ERICH1: variants seen among roughly 807,000 people sequenced by gnomAD.
ERICH1 encodes glutamate-rich protein 1.
A neutral mutation model predicts 39.6 loss-of-function variants in ERICH1; 56 were observed. The observed-to-expected ratio is 1.41, with a 90% CI of 1.14 to 1.77. The LOEUF is 1.77. Among genes scored for constraint, ERICH1 ranks in the 40% most tolerant of loss-of-function variants. ERICH1 has a pLI of 0.00. For synonymous variants in ERICH1, 313 were observed against 223.6 expected, an observed-to-expected ratio of 1.40 and a Z score of -3.57; for missense variants, 826 against 575.4, an observed-to-expected ratio of 1.44 and a Z score of -4.45.
intron 3 of ERICH1, among the ~76,000 whole-genome samples, chr8:684,378 A>G (rs923945840): frequency 1.3e-5 from 2 of 152,240 alleles, no homozygotes; most frequent in Non-Finnish European, 2.9e-5. Flanking sequence ...AAAAATTTAA[A>G]TAGTAAATTT....
intron 3 of ERICH1, among the ~76,000 whole-genome samples, chr8:628,573 T>G (rs2117081388): frequency 6.6e-6 from 1 of 152,340 alleles, no homozygotes; most frequent in Non-Finnish European, 1.5e-5. Flanking sequence ...GAGGACTCCC[T>G]GGTGCCTTCT....
intron 2 of ERICH1, among the ~76,000 whole-genome samples, chr8:705,898 C>T (rs1179001313): frequency 1.3e-5 from 2 of 152,190 alleles, no homozygotes; most frequent in Non-Finnish European, 1.5e-5. Context: ...GATGGTAACA[C>T]TGCACTTTCA....
downstream of ERICH1, among the ~76,000 whole-genome samples, chr8:663,522 G>GGGACAGGCGGGACAGGCGGGACAGGCA (rs1801742621): frequency 6.7e-6 from 1 of 149,918 alleles, no homozygotes; most frequent in Non-Finnish European, 1.5e-5. Flanking sequence ...GCTCACAGGC[G>GGGACAGGCGGGACAGGCGGGACAGGCA]GGACAGGCGG....
At chr8:704,387 C>T (rs915620318) in intron 2 of ERICH1, among the ~76,000 whole-genome samples, 1 of 152,142 alleles carries the variant, frequency 6.6e-6, no homozygotes, top group Non-Finnish European at 1.5e-5. Flanking sequence ...GAAGATGAAG[C>T]TCATTGACCC....
At chr8:631,976 G>C (rs552290119) in intron 3 of ERICH1, among the ~76,000 whole-genome samples, 1 of 152,262 alleles carries the variant, frequency 6.6e-6, no homozygotes, top group Admixed American at 6.5e-5. Flanking sequence ...TGTCCTTCCA[G>C]GGCTGGGTCA....
At chr8:637,100 C>G (rs534153803) in intron 3 of ERICH1, among the ~76,000 whole-genome samples, 1 of 152,238 alleles carries the variant, frequency 6.6e-6, no homozygotes, top group South Asian at 2.1e-4. Flanking sequence ...TGAAGGCTAA[C>G]GACACGTTTC....
downstream of ERICH1, among the ~76,000 whole-genome samples, chr8:663,433 C>A (rs1801727245): frequency 6.6e-6 from 1 of 152,186 alleles, no homozygotes. Flanking sequence ...CTCAGAACAT[C>A]ACCGTCACCA....
At chr8:652,684 C>A (rs535587275) in intron 3 of ERICH1, among the ~76,000 whole-genome samples, 1 of 152,294 alleles carries the variant, frequency 6.6e-6, no homozygotes, top group South Asian at 2.1e-4. Context: ...ATGCCTCAGG[C>A]TCAGAGAATT....
chr8:723,309 A>C (rs1044370363), intron 1 of ERICH1, among the ~76,000 whole-genome samples: 1 of 152,258 alleles, frequency 6.6e-6, no homozygotes, highest in African/African-American at 2.4e-5. Flanking sequence ...CCGGCCTCCG[A>C]CATTCCTTTA....
At position 641,421 on chromosome 8, in the gene ERICH1, C is replaced by G. The variant is rs541480913; in HGVS notation, c.977-26137G>C. Among the ~76,000 whole-genome samples, 7 of 152,300 alleles carry G rather than the reference C, an allele frequency of 4.6e-5. No individual in the cohort carries two copies. In the South Asian group the frequency reaches 1.5e-3, roughly 32 times the overall value. On this transcript the variant is annotated intron_variant, in intron 3 of 3. Transcript: ENST00000522706. ...AAAAGAGAAAAAGAAATCCCCAAGT[C>G]CCCTTAAGTAGAAATCTTGAGGAAA...
chr8:658,836 T>C (rs1325901603), intron 3 of ERICH1, among the ~76,000 whole-genome samples: 3 of 152,210 alleles, frequency 2.0e-5, no homozygotes, highest in Non-Finnish European at 4.4e-5. Context: ...TTGCTTATCC[T>C]GCTATGGGGC....
intron 3 of ERICH1, among the ~76,000 whole-genome samples, chr8:629,740 A>C (rs113294171): frequency 0.084 from 3,843 of 45,902 alleles, 223 homozygotes; most frequent in African/African-American, 0.23. Context: ...CTCCCGTGAC[A>C]ACCCACACAG....
At chr8:692,355 G>T in intron 3 of ERICH1, 123 bp downstream of exon 3, 3 of 1,397,680 alleles carry the variant, frequency 2.1e-6, no homozygotes, top group Admixed American at 2.1e-5. Context: ...ATTATACAGT[G>T]TAACAACATG....
intron 2 of ERICH1, among the ~76,000 whole-genome samples, chr8:698,983 G>A (rs755164019): frequency 5.3e-5 from 8 of 150,876 alleles, no homozygotes; most frequent in Non-Finnish European, 8.8e-5. Context: ...ACTGCTGTGC[G>A]TGCTCCAAAG....
At chr8:728,427 G>T (rs1033739649) in intron 1 of ERICH1, among the ~76,000 whole-genome samples, 1 of 152,164 alleles carries the variant, frequency 6.6e-6, no homozygotes, top group African/African-American at 2.4e-5. Flanking sequence ...CAGCTCCTAA[G>T]GTCCTCACCC....
chr8:700,191 G>C (rs1174470154), intron 2 of ERICH1, among the ~76,000 whole-genome samples: 5 of 81,776 alleles, frequency 6.1e-5, no homozygotes, highest in Non-Finnish European at 9.5e-5. Context: ...GCCCGCACAC[G>C]CGCACAGGCC....
chr8:709,715 C>G (rs973090554), intron 2 of ERICH1, among the ~76,000 whole-genome samples: 3 of 152,096 alleles, frequency 2.0e-5, no homozygotes, highest in Admixed American at 6.5e-5. Flanking sequence ...TCAAATGGAC[C>G]CAGCCACTTA....
At chr8:715,770 A>C (rs1815801887) in intron 2 of ERICH1, 91 bp downstream of exon 2, 5 of 1,509,550 alleles carry the variant, frequency 3.3e-6, no homozygotes, top group Non-Finnish European at 3.6e-6. Context: ...CAGATGCCCG[A>C]GGCCCAAAAG....
chr8:639,091 G>A (rs944620123), intron 3 of ERICH1, among the ~76,000 whole-genome samples: 7 of 152,178 alleles, frequency 4.6e-5, no homozygotes, highest in Non-Finnish European at 1.0e-4. Context: ...GGTCATGAAT[G>A]TCCCCAGCGT....
Sources: allele counts gnomAD v4.1 joint callset (sites outside exome capture counted in the v4.1 genomes callset), GRCh38; gene constraint gnomAD v4.1.1; transcripts MANE v1.5; gene names NCBI Gene and HGNC (gene_info 2026-07-23, HGNC 2026-07-21).